THSD7A: variants seen among roughly 807,000 people sequenced by gnomAD.
THSD7A encodes thrombospondin type-1 domain-containing protein 7A.
THSD7A carries 96 observed loss-of-function variants against 231.3 expected under a neutral mutation model. The ratio of observed to expected loss-of-function variants is 0.41; its 90% CI spans 0.35 to 0.49. THSD7A has a LOEUF of 0.49. THSD7A is among the 20% of genes least tolerant of loss of function. The probability of loss-of-function intolerance (pLI) is 0.05; values close to 1 mark genes in which losing one functional copy is unlikely to be tolerated. For synonymous variants in THSD7A, 940 were observed against 743.3 expected (o/e 1.26, Z -4.30); for missense variants, 2,290 against 2,070.2 (o/e 1.11, Z -2.06).
intron 1 of THSD7A, among the ~76,000 whole-genome samples, chr7:11,713,758 C>T (rs376116271): frequency 6.6e-6 from 1 of 151,164 alleles, no homozygotes; most frequent in African/African-American, 2.4e-5. Context: ...AATAAACAGG[C>T]ACACAGAGCT....
At chr7:11,645,141 G>A (rs1306223833) in intron 1 of THSD7A, among the ~76,000 whole-genome samples, 2 of 151,822 alleles carry the variant, frequency 1.3e-5, no homozygotes, top group East Asian at 1.9e-4. Context: ...TTAATTTGAT[G>A]AATATGCCCA....
chr7:11,741,283 C>T (rs1001865056), intron 1 of THSD7A, among the ~76,000 whole-genome samples: 1 of 151,852 alleles, frequency 6.6e-6, no homozygotes, highest in African/African-American at 2.4e-5. Flanking sequence ...TTTCAATAAC[C>T]TCTGGCAGGA....
intron 1 of THSD7A, among the ~76,000 whole-genome samples, chr7:11,707,883 T>G (rs1465006): frequency 0.16 from 23,619 of 150,852 alleles, 1,991 homozygotes; most frequent in Admixed American, 0.2. Context: ...ACTTTCTTTT[T>G]TTTTGATTGT....
At chr7:11,652,567 G>GT (rs1182717961) in intron 1 of THSD7A, among the ~76,000 whole-genome samples, 3 of 151,794 alleles carry the variant, frequency 2.0e-5, no homozygotes, top group African/African-American at 7.3e-5. Flanking sequence ...ATGCGAATTG[G>GT]TATGTATATG....
At chr7:11,708,419 C>CT (rs1185374126) in intron 1 of THSD7A, among the ~76,000 whole-genome samples, 1 of 150,542 alleles carries the variant, frequency 6.6e-6, no homozygotes, top group African/African-American at 2.4e-5. Context: ...TTATTGCTTG[C>CT]TTTTTAATAT....
intron 1 of THSD7A, among the ~76,000 whole-genome samples, chr7:11,707,955 C>T (rs1295682529): frequency 6.6e-6 from 1 of 150,690 alleles, no homozygotes; most frequent in Non-Finnish European, 1.5e-5. Flanking sequence ...ATTTCTTAAA[C>T]CTTACAAAAT....
Position 11,444,188 on chromosome 7 carries a change from T to C in THSD7A, c.3064+1873A>G, listed in dbSNP as rs1010778541. ...AGGATGTGGAGAAAGAGGAACACTT[T>C]TACAATGTTGGTGGGAGTGTAAATT... On this transcript the variant is annotated intron_variant, in intron 13 of 27. Transcript: ENST00000423059. The surrounding 1 kb of genome is among the most constrained non-coding windows in gnomAD (Gnocchi z 4.2). Among the ~76,000 whole-genome samples the C allele has an allele frequency of 2.0e-5, 3 of 152,096 alleles. No homozygotes were observed. The highest frequency in any genetic ancestry group is 4.4e-5 in the Non-Finnish European group (3 of 68,006).
At chr7:11,396,554 C>T (rs1168217711) in intron 23 of THSD7A, among the ~76,000 whole-genome samples, 3 of 152,116 alleles carry the variant, frequency 2.0e-5, no homozygotes, top group Non-Finnish European at 4.4e-5. Context: ...TTCCTGGAAA[C>T]ATACTCCCTC....
chr7:11,787,949 TA>T (rs1319388494), intron 1 of THSD7A, among the ~76,000 whole-genome samples: 1 of 152,092 alleles, frequency 6.6e-6, no homozygotes, highest in Non-Finnish European at 1.5e-5. Flanking sequence ...TCTCAGGCAT[TA>T]GTTCCATGTT....
chr7:11,412,637 C>A lies in THSD7A; in HGVS notation c.3682+19G>T. 1 of 1,613,068 alleles carries A rather than the reference C, an allele frequency of 6.2e-7. No individual in the cohort carries two copies. Among genetic ancestry groups the A allele is most frequent in the South Asian group, 1.1e-5 (1 of 90,930 alleles). Reference sequence around the variant, plus strand: ...CAGGATTTGGACTTAACTCCGTGATCAGATGATGATCCATGTACCTGTTAC... The same window carrying A: ...CAGGATTTGGACTTAACTCCGTGATAAGATGATGATCCATGTACCTGTTAC... On this transcript the variant is annotated intron_variant, in intron 18 of 27. Coordinates refer to ENST00000423059, the MANE Select transcript of THSD7A (RefSeq NM_015204.3).
chr7:11,463,612 A>T (rs954551409), intron 9 of THSD7A, among the ~76,000 whole-genome samples: 2 of 152,158 alleles, frequency 1.3e-5, no homozygotes, highest in Non-Finnish European at 2.9e-5. Context: ...ACTATTAATG[A>T]TGGCATAACT....
chr7:11,718,526 A>G (rs1335498577), intron 1 of THSD7A, among the ~76,000 whole-genome samples: 1 of 150,892 alleles, frequency 6.6e-6, no homozygotes, highest in Non-Finnish European at 1.5e-5. Context: ...CAGGTAGTGC[A>G]TTCAAGCTAG....
intron 6 of THSD7A, among the ~76,000 whole-genome samples, chr7:11,512,836 G>C (rs950075320): frequency 6.7e-6 from 1 of 149,838 alleles, no homozygotes; most frequent in African/African-American, 2.5e-5. Context: ...TAAATGACGA[G>C]TTAAGGGGTG....
intron 1 of THSD7A, among the ~76,000 whole-genome samples, chr7:11,782,612 C>G (rs1783668951): frequency 6.6e-6 from 1 of 152,002 alleles, no homozygotes; most frequent in Non-Finnish European, 1.5e-5. Flanking sequence ...CGAAATTAAC[C>G]AAAGGTCTTA....
At chr7:11,746,383 C>A (rs1782304847) in intron 1 of THSD7A, among the ~76,000 whole-genome samples, 1 of 151,738 alleles carries the variant, frequency 6.6e-6, no homozygotes, top group Non-Finnish European at 1.5e-5. Context: ...CCAGTTTTTC[C>A]ACTGATGTCC....
chr7:11,552,452 A>G (rs1306997143), intron 4 of THSD7A, among the ~76,000 whole-genome samples: 1 of 152,098 alleles, frequency 6.6e-6, no homozygotes, highest in Non-Finnish European at 1.5e-5. Context: ...TGTATTTTCA[A>G]TAAATTAAAT....
Position 11,411,181 on chromosome 7 carries a change from G to C in THSD7A, c.3798+26C>G. 1 of 1,556,448 alleles carries C rather than the reference G, an allele frequency of 6.4e-7. No homozygotes were observed. Among genetic ancestry groups the C allele is most frequent in the Non-Finnish European group, 8.8e-7 (1 of 1,129,970 alleles). On this transcript the variant is annotated intron_variant, in intron 19 of 27. Transcript: ENST00000423059. This position sits in a 1 kb window ranked among gnomAD's most constrained non-coding sequence, Gnocchi z 4.1. ...AATTATTAGGGAAGAATTTACTCGC[G>C]AAGATATAACACAGCATCCACCTAC... is the stretch of plus-strand genomic sequence containing the variant.
At chr7:11,821,022 T>G in intron 1 of THSD7A, 1 of 983,984 alleles carries the variant, frequency 1.0e-6, no homozygotes, top group Non-Finnish European at 1.6e-6. Context: ...GTAGCCAGGT[T>G]TTCTGGGACT....
intron 1 of THSD7A, among the ~76,000 whole-genome samples, chr7:11,816,096 A>G (rs577645307): frequency 4.1e-4 from 62 of 152,230 alleles, no homozygotes; most frequent in African/African-American, 1.5e-3. Context: ...TTTTACATCC[A>G]TATATGTTTC....
Sources: allele counts gnomAD v4.1 joint callset (sites outside exome capture counted in the v4.1 genomes callset), GRCh38; gene constraint gnomAD v4.1.1; non-coding constraint Gnocchi (gnomAD v3.1); transcripts MANE v1.5; gene names NCBI Gene and HGNC (gene_info 2026-07-23, HGNC 2026-07-21).